Variants in CDC42BPA observed in about 807,000 individuals in gnomAD.
CDC42BPA encodes the protein serine/threonine-protein kinase MRCK alpha.
A neutral mutation model predicts 223.5 loss-of-function variants in CDC42BPA; 80 were observed. The ratio of observed to expected loss-of-function variants is 0.36; its 90% CI spans 0.30 to 0.43. CDC42BPA has a LOEUF of 0.43. Ranked by LOEUF, CDC42BPA falls within the 20% of genes least tolerant of loss-of-function variation. CDC42BPA has a pLI of 1.00. For missense variants in CDC42BPA, 1,743 were observed against 2,099.9 expected (o/e 0.83, Z 3.32); for synonymous variants, 694 against 718.6 (o/e 0.97, Z 0.55).
intron 3 of CDC42BPA, among the ~76,000 whole-genome samples, chr1:227,211,672 G>C (rs1673924997): frequency 6.6e-6 from 1 of 151,866 alleles, no homozygotes; most frequent in Non-Finnish European, 1.5e-5. Context: ...AACTCAGAAA[G>C]CCAAATACCA....
chr1:227,237,806 C>T (rs555870883), intron 2 of CDC42BPA, among the ~76,000 whole-genome samples: 4 of 134,516 alleles, frequency 3.0e-5, no homozygotes, highest in East Asian at 2.3e-4. Context: ...TTTGGGAGGC[C>T]GAGGCGGGCG....
At chr1:227,244,016 G>GT (rs1271155483) in intron 2 of CDC42BPA, among the ~76,000 whole-genome samples, 2 of 144,566 alleles carry the variant, frequency 1.4e-5, no homozygotes, top group African/African-American at 5.1e-5. Context: ...AAAAACTAAA[G>GT]TAAAAAAAAA....
chr1:227,109,202 TGATA>T (rs1686472591), intron 14 of CDC42BPA, among the ~76,000 whole-genome samples: 1 of 152,154 alleles, frequency 6.6e-6, no homozygotes, highest in African/African-American at 2.4e-5. Flanking sequence ...ACTGGAGACC[TGATA>T]GATAAACACT....
At chr1:227,282,161 C>A (rs1404595215) in intron 1 of CDC42BPA, among the ~76,000 whole-genome samples, 1 of 145,016 alleles carries the variant, frequency 6.9e-6, no homozygotes, top group Non-Finnish European at 1.5e-5. Context: ...GCACTCCAGC[C>A]TGGGCAACAA....
At chr1:227,308,819 G>C (rs906628833) in intron 1 of CDC42BPA, among the ~76,000 whole-genome samples, 2 of 152,172 alleles carry the variant, frequency 1.3e-5, no homozygotes, top group Non-Finnish European at 2.9e-5. Context: ...ACTGGATTAA[G>C]TGTTATCACT....
At chr1:227,056,440 G>C (rs1674578686) in intron 21 of CDC42BPA, among the ~76,000 whole-genome samples, 1 of 151,334 alleles carries the variant, frequency 6.6e-6, no homozygotes, top group Admixed American at 6.6e-5. Context: ...TGGGATGTAG[G>C]GCAGTGGCAC....
chr1:227,029,907 G>A (rs1353576156), intron 29 of CDC42BPA, among the ~76,000 whole-genome samples: 2 of 151,672 alleles, frequency 1.3e-5, no homozygotes, highest in African/African-American at 4.9e-5. Flanking sequence ...GGCCAAGGCG[G>A]GTGGATCACC....
chr1:227,161,862 A>C (rs952358698), intron 5 of CDC42BPA, among the ~76,000 whole-genome samples: 6 of 152,198 alleles, frequency 3.9e-5, no homozygotes, highest in African/African-American at 1.4e-4. Context: ...GATGGTTGCT[A>C]AAGAGAGACA....
intron 21 of CDC42BPA, among the ~76,000 whole-genome samples, chr1:227,063,571 A>G (rs917419024): frequency 6.6e-6 from 1 of 152,070 alleles, no homozygotes; most frequent in Admixed American, 6.5e-5. Flanking sequence ...TCAACATAAT[A>G]TATTGCCTAA....
chr1:227,163,132 A>ATG (rs370186970), intron 5 of CDC42BPA, among the ~76,000 whole-genome samples: 12 of 72,954 alleles, frequency 1.6e-4, no homozygotes, highest in Admixed American at 7.6e-4. Context: ...TTCCAAACAT[A>ATG]TGTGTGTGTA....
chr1:227,162,866 A>G (rs373368437), intron 5 of CDC42BPA, among the ~76,000 whole-genome samples: 15,384 of 126,850 alleles, frequency 0.12, 1,033 homozygotes, highest in Middle Eastern at 0.19. Flanking sequence ...AAATAAATAT[A>G]TATGTGTGTG....
At chr1:227,070,875 A>C (rs1240798012) in intron 20 of CDC42BPA, among the ~76,000 whole-genome samples, 4 of 151,890 alleles carry the variant, frequency 2.6e-5, no homozygotes, top group Non-Finnish European at 5.9e-5. Context: ...TCTATTCTAA[A>C]AATGATGCAA....
rs774634980 is a variant in CDC42BPA, at chr1:227,145,544, C to G, written c.1088G>C (p.Ser363Thr). ...AAAATTCGATGTATCTGTTGGGCTA[C>G]TAACTTCTGGAATATAAGGTGCTTC... ...NCEAPYIPEV[S>T]SPTDTSNFDV... Residue 363 changes from serine to threonine, a missense_variant, in exon 8 of 37, where the codon AGT (serine) becomes ACT (threonine). This residue lies in a region of CDC42BPA where 321 missense variants were observed against 488.7 expected (regional missense o/e 0.66). Transcript: ENST00000366766. 36 of 1,613,604 alleles carry G rather than the reference C, an allele frequency of 2.2e-5. No individual in the cohort carries two copies. The highest frequency in any genetic ancestry group is 3.0e-5 in the Non-Finnish European group (35 of 1,179,642).
intron 1 of CDC42BPA, among the ~76,000 whole-genome samples, chr1:227,282,407 G>A (rs960723329): frequency 2.0e-5 from 3 of 152,106 alleles, no homozygotes; most frequent in Non-Finnish European, 4.4e-5. Flanking sequence ...TAAAATGTCT[G>A]CATAGAAAAT....
chr1:227,126,788 G>A (rs1200454325), intron 11 of CDC42BPA, among the ~76,000 whole-genome samples: 2 of 152,048 alleles, frequency 1.3e-5, no homozygotes, highest in Non-Finnish European at 2.9e-5. Context: ...ACAAAATTCA[G>A]CACCCATTAA....
At chr1:227,044,864 T>A (rs7531063) in intron 23 of CDC42BPA, among the ~76,000 whole-genome samples, 1 of 152,208 alleles carries the variant, frequency 6.6e-6, no homozygotes, top group African/African-American at 2.4e-5. Context: ...TTTCTAAAAT[T>A]AATAGTTCCC....
chr1:227,000,118 A>G (rs1400295924), intron 35 of CDC42BPA, among the ~76,000 whole-genome samples: 1 of 129,342 alleles, frequency 7.7e-6, no homozygotes, highest in Non-Finnish European at 1.8e-5. Context: ...AATAATAATA[A>G]TAATAATAAT....
intron 19 of CDC42BPA, among the ~76,000 whole-genome samples, chr1:227,072,513 T>A (rs1186056941): frequency 6.6e-6 from 1 of 151,980 alleles, no homozygotes; most frequent in Non-Finnish European, 1.5e-5. Flanking sequence ...CATTTAAGTA[T>A]TGACTATGGC....
intron 15 of CDC42BPA, among the ~76,000 whole-genome samples, chr1:227,096,824 T>G (rs1284481656): frequency 6.6e-6 from 1 of 152,172 alleles, no homozygotes; most frequent in Non-Finnish European, 1.5e-5. Flanking sequence ...CTGGTTTTAT[T>G]TATGTATTCA....
Sources: allele counts gnomAD v4.1 joint callset (sites outside exome capture counted in the v4.1 genomes callset), GRCh38; gene constraint gnomAD v4.1.1; regional missense constraint gnomAD v4.1.1; transcripts MANE v1.5; gene names NCBI Gene and HGNC (gene_info 2026-07-23, HGNC 2026-07-21).